SEMA6D: variants seen among roughly 807,000 people sequenced by gnomAD.
SEMA6D encodes the protein semaphorin 6D.
SEMA6D carries 35 observed loss-of-function variants against 106.6 expected under a neutral mutation model. The observed-to-expected ratio is 0.33, with a 90% CI of 0.25 to 0.44. The LOEUF (loss-of-function observed/expected upper bound fraction) is 0.44. Ranked by LOEUF, SEMA6D falls within the 20% of genes least tolerant of loss-of-function variation. The pLI is 1.00. For synonymous variants in SEMA6D, 499 were observed against 487.7 expected (o/e 1.02, Z -0.31); for missense variants, 1,185 against 1,345.9 (o/e 0.88, Z 1.87).
At chr15:47,355,789 G>T (rs2144940484) in intron 1 of SEMA6D, among the ~76,000 whole-genome samples, 1 of 152,308 alleles carries the variant, frequency 6.6e-6, no homozygotes, top group East Asian at 1.9e-4. Context: ...ATAACTCAGA[G>T]TGTGTCAGAC....
intron 1 of SEMA6D, among the ~76,000 whole-genome samples, chr15:47,397,260 G>A (rs1432008323): frequency 6.6e-6 from 1 of 152,154 alleles, no homozygotes; most frequent in Non-Finnish European, 1.5e-5. Flanking sequence ...TCATAGTAGA[G>A]GTCAGGCTAG....
At chr15:47,459,214 C>A (rs372980222) in intron 2 of SEMA6D, among the ~76,000 whole-genome samples, 1 of 152,006 alleles carries the variant, frequency 6.6e-6, no homozygotes, top group Non-Finnish European at 1.5e-5. Flanking sequence ...ATCCATGTGG[C>A]AAGGTGTGTA....
At chr15:47,374,807 T>G (rs1203650767) in intron 1 of SEMA6D, among the ~76,000 whole-genome samples, 1 of 152,154 alleles carries the variant, frequency 6.6e-6, no homozygotes, top group Non-Finnish European at 1.5e-5. Flanking sequence ...AGGAACCAGA[T>G]ATAGAAACAT....
At chr15:47,589,549 C>T (rs1226668242) in intron 3 of SEMA6D, among the ~76,000 whole-genome samples, 1 of 152,260 alleles carries the variant, frequency 6.6e-6, no homozygotes, top group Non-Finnish European at 1.5e-5. Flanking sequence ...CAATCCAATC[C>T]TACCCACTTT....
At chr15:47,580,955 C>T (rs1277722502) in intron 3 of SEMA6D, among the ~76,000 whole-genome samples, 1 of 152,154 alleles carries the variant, frequency 6.6e-6, no homozygotes, top group African/African-American at 2.4e-5. Flanking sequence ...ACAGAGTGGA[C>T]ATACTTAGGG....
At chr15:47,300,267 C>G (rs2142991043) in intron 1 of SEMA6D, among the ~76,000 whole-genome samples, 1 of 152,214 alleles carries the variant, frequency 6.6e-6, no homozygotes, top group Non-Finnish European at 1.5e-5. Context: ...TGGCTGATTG[C>G]TCTTGTATTG....
chr15:47,335,891 C>T (rs551441159), intron 1 of SEMA6D, among the ~76,000 whole-genome samples: 2 of 152,198 alleles, frequency 1.3e-5, no homozygotes, highest in African/African-American at 4.8e-5. Context: ...GTCAAGTGGA[C>T]CGGATGGAGC....
chr15:47,243,884 A>T (rs2033062027), intron 1 of SEMA6D, among the ~76,000 whole-genome samples: 2 of 152,154 alleles, frequency 1.3e-5, no homozygotes, highest in African/African-American at 4.8e-5. Flanking sequence ...ACCATGTTCT[A>T]GGCTGCATTC....
chr15:47,338,720 T>G (rs2037677900), intron 1 of SEMA6D, among the ~76,000 whole-genome samples: 1 of 152,100 alleles, frequency 6.6e-6, no homozygotes, highest in Non-Finnish European at 1.5e-5. Flanking sequence ...GGGATCCATG[T>G]TCAAAAACCA....
intron 1 of SEMA6D, among the ~76,000 whole-genome samples, chr15:47,209,247 G>A (rs1309908982): frequency 6.6e-6 from 1 of 152,104 alleles, no homozygotes; most frequent in East Asian, 1.9e-4. Context: ...ATTTAAACTG[G>A]TTCTTTTTTT....
At chr15:47,478,255 T>C (rs1423694803) in intron 3 of SEMA6D, among the ~76,000 whole-genome samples, 1 of 152,170 alleles carries the variant, frequency 6.6e-6, no homozygotes, top group Non-Finnish European at 1.5e-5. Flanking sequence ...TTTGCCTCTT[T>C]CTATTTTGAC....
intron 1 of SEMA6D, among the ~76,000 whole-genome samples, chr15:47,247,909 G>C (rs1057073402): frequency 6.6e-6 from 1 of 152,180 alleles, no homozygotes; most frequent in African/African-American, 2.4e-5. Flanking sequence ...AGGGTCAAAA[G>C]GCAAGGGAAG....
rs1273724751 is a variant in SEMA6D at position 47,666,643 on chromosome 15, AT to A, written c.-55+65754del. On this transcript the variant is annotated intron_variant, in intron 4 of 19. Transcript: ENST00000558014. ...TGCTGAATTTCTGTGTTCTTACAGA[AT>A]TTTTTTCTTAGAGTTATCAAAATAC... is the stretch of plus-strand genomic sequence containing the variant. Among the ~76,000 whole-genome samples, 3 of 152,204 alleles carry A rather than the reference AT, an allele frequency of 2.0e-5. No individual in the cohort carries two copies. The East Asian group carries it at 5.8e-4, about 29-fold the overall frequency.
intron 1 of SEMA6D, among the ~76,000 whole-genome samples, chr15:47,287,285 A>G (rs2035409657): frequency 6.6e-6 from 1 of 152,194 alleles, no homozygotes; most frequent in South Asian, 2.1e-4. Flanking sequence ...AGCCTTTGTT[A>G]GGCTAAGGCA....
chr15:47,521,841 C>A (rs1375955912), intron 3 of SEMA6D, among the ~76,000 whole-genome samples: 1 of 152,038 alleles, frequency 6.6e-6, no homozygotes, highest in Admixed American at 6.5e-5. Flanking sequence ...AAAACTTAGC[C>A]GGGCATGGTG....
chr15:47,748,576 G>C (rs2081264572), intron 1 of SEMA6D, among the ~76,000 whole-genome samples: 1 of 152,210 alleles, frequency 6.6e-6, no homozygotes, highest in Non-Finnish European at 1.5e-5. Context: ...GAATGAGAAA[G>C]GGGAGAGGGC....
intron 1 of SEMA6D, chr15:47,241,503 A>G (rs527689537): frequency 6.6e-6 from 1 of 152,026 alleles, no homozygotes; most frequent in Admixed American, 6.6e-5. Flanking sequence ...TTTGTTCTCT[A>G]TATCTCCTCC....
At chr15:47,714,342 A>G (rs1428844862), upstream of SEMA6D, among the ~76,000 whole-genome samples, 2 of 152,164 alleles carry the variant, frequency 1.3e-5, no homozygotes, top group Non-Finnish European at 2.9e-5. Context: ...TAAAAATGAT[A>G]ATAATAATAA....
chr15:47,251,225 G>A (rs2033496482), intron 1 of SEMA6D, among the ~76,000 whole-genome samples: 1 of 152,168 alleles, frequency 6.6e-6, no homozygotes, highest in Non-Finnish European at 1.5e-5. Context: ...TGAATTGTAG[G>A]CATCCTTTCT....
Sources: allele counts gnomAD v4.1 joint callset (sites outside exome capture counted in the v4.1 genomes callset), GRCh38; gene constraint gnomAD v4.1.1; transcripts MANE v1.5; gene names NCBI Gene and HGNC (gene_info 2026-07-23, HGNC 2026-07-21).